The following GRIN2A variants were observed in gnomAD, a reference collection of about 807,000 sequenced individuals.
The protein encoded by GRIN2A is glutamate receptor ionotropic, NMDA 2A.
GRIN2A carries 22 observed loss-of-function variants against 113.4 expected under a neutral mutation model. The ratio of observed to expected loss-of-function variants is 0.19; its 90% CI spans 0.14 to 0.28. GRIN2A has a LOEUF of 0.28. GRIN2A is among the 10% of genes least tolerant of loss of function. The pLI, the probability that GRIN2A is intolerant of heterozygous loss-of-function variation, is 1.00. For missense variants in GRIN2A, 1,502 were observed against 1,887.0 expected (o/e 0.80, Z 3.78); for synonymous variants, 827 against 738.4 (o/e 1.12, Z -1.94).
In GRIN2A at chr16:9,764,343, C is replaced by T. The variant is rs2141134324; in HGVS notation, c.3201G>A (p.Arg1067=). The T allele has an allele frequency of 6.2e-7, 1 of 1,614,034 alleles. No homozygotes were observed. Among genetic ancestry groups the T allele is most frequent in the South Asian group, 1.1e-5 (1 of 91,066 alleles). Residue 1067 remains arginine, a synonymous_variant, in exon 13 of 13, where the codon CGG becomes CGA. Transcript: ENST00000330684. ...AHSDISETSN[R]ATCHREPDNS... ...TGTCAGGTTCCCTGTGGCACGTGGC[C>T]CGATTTGACGTTTCTGAAATGTCAG...
rs1478312010 is a variant in GRIN2A, at chr16:9,822,440, G to C, written c.2008-16C>G. On this transcript the variant is annotated splice_polypyrimidine_tract_variant and intron_variant, in intron 9 of 12. Transcript: ENST00000330684. The stretch of plus-strand genomic sequence containing the variant: ...GTCTCTGAAACTGGAGAGAGAACGA[G>C]AAAGGAAGAGAGAGAGTAGGAAAAG... 4 of 1,551,086 alleles carry C rather than the reference G, an allele frequency of 2.6e-6. No homozygotes were observed. Among genetic ancestry groups the C allele is most frequent in the Middle Eastern group, 3.4e-4 (2 of 5,962 alleles).
chr16:9,763,187 C>T lies in GRIN2A; in HGVS notation c.4357G>A (p.Val1453Met), dbSNP rs201707833. The T allele has an allele frequency of 4.3e-6, 7 of 1,613,806 alleles. No homozygotes were observed. The highest frequency in any genetic ancestry group is 2.2e-5 in the East Asian group (1 of 44,868). The change falls in exon 13 of 13, where the codon GTG becomes ATG. Residue 1453 changes from valine to methionine, a missense_variant. Around this residue, in one of 7 missense-constraint regions of GRIN2A, gnomAD observed 832 missense variants for 789.7 expected, o/e 1.05. Transcript: ENST00000330684. The part of the protein sequence containing the change: ...RVLNSCSNRR[V>M]YKKMPSIESD... ...TCGATACTAGGCATTTTCTTGTACACGCGTCTATTGCTGCAGGAATTTAAA... is the reference window on the plus strand; with the variant it reads ...TCGATACTAGGCATTTTCTTGTACATGCGTCTATTGCTGCAGGAATTTAAA...
intron 2 of GRIN2A, among the ~76,000 whole-genome samples, chr16:10,096,045 A>C (rs1330227835): frequency 6.6e-6 from 1 of 152,230 alleles, no homozygotes; most frequent in African/African-American, 2.4e-5. Context: ...CCTGAAATAA[A>C]AAGTTAAAAA....
chr16:10,108,357 A>G lies in GRIN2A; in HGVS notation c.414+71641T>C, dbSNP rs1596514032. 2.0e-5 allele frequency among the ~76,000 whole-genome samples: 3 copies of G among 152,270 alleles called. No homozygotes were observed. In the Middle Eastern group the frequency reaches 0.01, roughly 518 times the overall value. ...AACAGCATAAGAAAGATCCACCCCC[A>G]TGATTCAGTTACCTCCCACTGGGTC... On this transcript the variant is annotated intron_variant, in intron 2 of 12. Transcript: ENST00000330684.
At chr16:9,890,644 C>T (rs969492652) in intron 4 of GRIN2A, among the ~76,000 whole-genome samples, 1 of 152,208 alleles carries the variant, frequency 6.6e-6, no homozygotes, top group African/African-American at 2.4e-5. Flanking sequence ...GAAGTTTAGG[C>T]AAACTTCTAT....
intron 2 of GRIN2A, among the ~76,000 whole-genome samples, chr16:9,955,903 C>T (rs573529926): frequency 1.3e-5 from 2 of 152,330 alleles, no homozygotes; most frequent in East Asian, 1.9e-4. Context: ...GGCTGTATCA[C>T]CTTTGGGCAG....
chr16:10,118,946 A>ACGCC (rs1239739429), intron 2 of GRIN2A, among the ~76,000 whole-genome samples: 2 of 152,088 alleles, frequency 1.3e-5, no homozygotes, highest in Admixed American at 1.3e-4. Context: ...TTTTCTCCTC[A>ACGCC]CTTATTTTTC....
intron 2 of GRIN2A, among the ~76,000 whole-genome samples, chr16:10,006,377 G>T (rs1481470431): frequency 6.6e-6 from 1 of 152,208 alleles, no homozygotes; most frequent in Non-Finnish European, 1.5e-5. Flanking sequence ...AATGGGCCAT[G>T]AGATAGAGAG....
intron 2 of GRIN2A, among the ~76,000 whole-genome samples, chr16:10,171,114 C>T (rs1175581690): frequency 6.6e-6 from 1 of 152,128 alleles, no homozygotes; most frequent in Non-Finnish European, 1.5e-5. Context: ...TGTCTTGCAT[C>T]TGAGCCCCTT....
intron 2 of GRIN2A, among the ~76,000 whole-genome samples, chr16:9,967,454 C>A (rs1215432748): frequency 1.3e-5 from 2 of 152,120 alleles, no homozygotes; most frequent in African/African-American, 4.8e-5. Context: ...GCCTGTAATC[C>A]CCGCACTTTG....
Position 9,761,703 on chromosome 16 carries a change from T to A in GRIN2A, c.*1446A>T, listed in dbSNP as rs1000393102. The A allele has an allele frequency of 1.8e-5, 4 of 225,118 alleles. No homozygotes were observed. Among genetic ancestry groups the A allele is most frequent in the African/African-American group, 6.7e-5 (3 of 44,922 alleles). 13.9% of individuals were successfully genotyped at this position (225,118 alleles called of 1,614,324 possible). ...CTCCCCATGCATAAGTATTCCCCTC[T>A]CTGTCTCTAACTTAAAAAAAAAATG... On this transcript the variant is annotated 3_prime_UTR_variant, in exon 13 of 13. Coordinates refer to ENST00000330684, the MANE Select transcript of GRIN2A (RefSeq NM_001134407.3).
intron 2 of GRIN2A, among the ~76,000 whole-genome samples, chr16:10,028,021 T>A (rs2046855038): frequency 6.6e-6 from 1 of 152,192 alleles, no homozygotes; most frequent in Non-Finnish European, 1.5e-5. Context: ...TATTACAAAG[T>A]GCTCTGAAGG....
At position 10,114,835 on chromosome 16, in the gene GRIN2A, G is replaced by A. The variant is rs1003993099; in HGVS notation, c.414+65163C>T. On this transcript the variant is annotated intron_variant, in intron 2 of 12. Coordinates refer to ENST00000330684, the MANE Select transcript of GRIN2A (RefSeq NM_001134407.3). ...GCTTCATTTAATGGGGCAAAGTCAC[G>A]CCCCCGATGTGCCAGGTCTGCATGC... Among the ~76,000 whole-genome samples, 10 of 152,284 alleles carry A rather than the reference G, an allele frequency of 6.6e-5. 1 individual carries two copies. The East Asian group carries it at 1.3e-3, about 21-fold the overall frequency.
At chr16:9,806,919 G>C (rs2041981499) in intron 10 of GRIN2A, among the ~76,000 whole-genome samples, 1 of 151,822 alleles carries the variant, frequency 6.6e-6, no homozygotes, top group Non-Finnish European at 1.5e-5. Flanking sequence ...ACCCAGTGGG[G>C]GATAAATGAA....
chr16:9,980,486 G>C (rs1313512207), intron 2 of GRIN2A, among the ~76,000 whole-genome samples: 1 of 151,968 alleles, frequency 6.6e-6, no homozygotes, highest in East Asian at 1.9e-4. Flanking sequence ...CCCATTACTG[G>C]GTATATACCC....
chr16:9,803,624 T>C (rs911485702), intron 10 of GRIN2A, among the ~76,000 whole-genome samples: 5 of 152,250 alleles, frequency 3.3e-5, no homozygotes, highest in African/African-American at 1.2e-4. Flanking sequence ...AATCCAGTTC[T>C]GCATACTTTA....
intron 2 of GRIN2A, among the ~76,000 whole-genome samples, chr16:9,979,277 T>C (rs751607008): frequency 6.6e-6 from 1 of 152,172 alleles, no homozygotes; most frequent in Non-Finnish European, 1.5e-5. Context: ...AGGAAGACAG[T>C]GCCACATGGT....
Position 10,075,483 on chromosome 16 carries a change from C to T in GRIN2A, c.414+104515G>A, listed in dbSNP as rs547910955. Reference sequence around the variant, plus strand: ...GTGATTGCAAGTAAGTACAGAGACTCGATTTGGAACGATGGAAAAGTTCTG... The same window carrying T: ...GTGATTGCAAGTAAGTACAGAGACTTGATTTGGAACGATGGAAAAGTTCTG... On this transcript the variant is annotated intron_variant, in intron 2 of 12. Transcript: ENST00000330684. 2.0e-4 allele frequency among the ~76,000 whole-genome samples: 31 copies of T among 152,024 alleles called. No individual in the cohort carries two copies. The South Asian group carries it at 5.8e-3, about 29-fold the overall frequency.
In GRIN2A at chr16:9,763,127, A is replaced by G; in HGVS notation, c.*22T>C. On this transcript the variant is annotated 3_prime_UTR_variant, in exon 13 of 13. Transcript: ENST00000330684. ...GGCCATTACGTATATTTCCCTATAGATAAAACATTAATGGAAGATTTTTAA... is the reference window on the plus strand; with the variant it reads ...GGCCATTACGTATATTTCCCTATAGGTAAAACATTAATGGAAGATTTTTAA... The G allele has an allele frequency of 6.2e-7, 1 of 1,610,720 alleles. No homozygotes were observed. Among genetic ancestry groups the G allele is most frequent in the Non-Finnish European group, 8.5e-7 (1 of 1,177,358 alleles).
Sources: allele counts gnomAD v4.1 joint callset (sites outside exome capture counted in the v4.1 genomes callset), GRCh38; gene constraint gnomAD v4.1.1; regional missense constraint gnomAD v4.1.1; transcripts MANE v1.5; gene names NCBI Gene and HGNC (gene_info 2026-07-23, HGNC 2026-07-21).